TLK1: variants seen among roughly 807,000 people sequenced by gnomAD.
TLK1 encodes the protein serine/threonine-protein kinase tousled-like 1.
A neutral mutation model predicts 105.3 loss-of-function variants in TLK1; 24 were observed. The ratio of observed to expected loss-of-function variants is 0.23; its 90% confidence interval spans 0.17 to 0.32. The LOEUF (loss-of-function observed/expected upper bound fraction) is 0.32, where lower values mean the gene tolerates loss of function less well. TLK1 is among the 10% of genes least tolerant of loss of function. TLK1 has a pLI of 1.00. For missense variants in TLK1, 558 were observed against 910.5 expected, an observed-to-expected ratio of 0.61 and a Z score of 4.98; for synonymous variants, 321 against 310.4, an observed-to-expected ratio of 1.03 and a Z score of -0.36.
intron 12 of TLK1, among the ~76,000 whole-genome samples, chr2:171,020,767 G>A (rs925235234): frequency 1.3e-5 from 2 of 151,926 alleles, no homozygotes; most frequent in African/African-American, 4.8e-5. Flanking sequence ...AGACAAAGCA[G>A]GTCTGACTTT....
chr2:171,118,458 T>G (rs1690523249), intron 1 of TLK1, among the ~76,000 whole-genome samples: 1 of 152,208 alleles, frequency 6.6e-6, no homozygotes. Context: ...CCTTAAGATT[T>G]TTTGTACGGT....
Position 171,006,321 on chromosome 2 carries a change from A to G in TLK1, c.1769-39T>C. The G allele has an allele frequency of 2.6e-6, 4 of 1,535,452 alleles. 1 individual carries two copies. The highest frequency in any genetic ancestry group is 2.6e-5 in the South Asian group (2 of 77,846). ...ATAAGATTCTTTTAATGATACATAC[A>G]TGAAAAACATAACTTTAATAACTTT... On this transcript the variant is annotated intron_variant, in intron 17 of 20. Coordinates refer to ENST00000431350, the MANE Select transcript of TLK1 (RefSeq NM_012290.5).
chr2:171,207,347 C>T lies in TLK1; in HGVS notation c.-6+23798G>A, dbSNP rs190409196. ...ACGTGACATTCTGGAAAAGTCAAAA[C>T]GAGGGAGACATTTAAAAGATCAGTA... is the stretch of plus-strand genomic sequence containing the variant. On this transcript the variant is annotated intron_variant, in intron 1 of 20. Coordinates refer to the TLK1 transcript ENST00000521943. 2.5e-3 allele frequency among the ~76,000 whole-genome samples: 378 copies of T among 152,150 alleles called. 1 individual carries two copies. Among genetic ancestry groups the T allele is most frequent in the African/African-American group, 8.4e-3 (348 of 41,504 alleles).
intron 18 of TLK1, among the ~76,000 whole-genome samples, chr2:171,000,696 C>A (rs1684324262): frequency 6.6e-6 from 1 of 152,086 alleles, no homozygotes; most frequent in South Asian, 2.1e-4. Flanking sequence ...ACACTCAGTG[C>A]AACTTTACAG....
intron 2 of TLK1, chr2:171,091,714 CTTTGTTGTTGTT>C (rs1689240052): frequency 8.3e-6 from 1 of 120,624 alleles, no homozygotes; most frequent in East Asian, 2.4e-4. Flanking sequence ...GGGGGGGTGT[CTTTGTTGTTGTT>C]GTTGTTGTTG....
chr2:171,224,339 T>C (rs755135918), intron 1 of TLK1, among the ~76,000 whole-genome samples: 3 of 152,240 alleles, frequency 2.0e-5, no homozygotes, highest in East Asian at 1.9e-4. Context: ...TTTGTGTTAC[T>C]ATAGCTTTGT....
intron 3 of TLK1, among the ~76,000 whole-genome samples, chr2:171,065,396 T>C (rs1575567337): frequency 1.3e-5 from 2 of 152,338 alleles, no homozygotes; most frequent in South Asian, 4.1e-4. Flanking sequence ...GAAAATACTT[T>C]AAAACAGAAA....
At chr2:171,230,661 T>G (rs1037258656) in intron 1 of TLK1, among the ~76,000 whole-genome samples, 1 of 152,210 alleles carries the variant, frequency 6.6e-6, no homozygotes, top group Non-Finnish European at 1.5e-5. Context: ...ACAATTAAAC[T>G]GCTTTCTTTT....
chr2:171,045,180 G>A (rs1455414922), intron 11 of TLK1: 4 of 150,738 alleles, frequency 2.7e-5, no homozygotes, highest in African/African-American at 7.3e-5. Context: ...CAATAGAGGA[G>A]AAAAGAATAC....
chr2:171,150,894 G>C (rs1183579697), intron 1 of TLK1, among the ~76,000 whole-genome samples: 1 of 152,146 alleles, frequency 6.6e-6, no homozygotes, highest in East Asian at 1.9e-4. Context: ...CTAAAGAAGA[G>C]TAGTTAACCA....
At chr2:171,106,154 C>A (rs570913521) in intron 2 of TLK1, among the ~76,000 whole-genome samples, 2 of 152,222 alleles carry the variant, frequency 1.3e-5, no homozygotes, top group African/African-American at 4.8e-5. Flanking sequence ...AAAGGCTGAT[C>A]TTGTAAGTAG....
chr2:171,231,225 C>T (rs1349655682), exon 1 of TLK1: 1 of 152,112 alleles, frequency 6.6e-6, no homozygotes, highest in Non-Finnish European at 1.5e-5. Context: ...CTAGGAGAAG[C>T]TAGGAGTCTG....
At chr2:171,136,562 G>A (rs912110675) in intron 1 of TLK1, among the ~76,000 whole-genome samples, 41 of 152,016 alleles carry the variant, frequency 2.7e-4, no homozygotes, top group African/African-American at 9.4e-4. Context: ...AAAAGGACAG[G>A]ACAAGACAGG....
rs1229013817 is a variant in TLK1, at chr2:171,160,798, T to TGCCGGCACCTCTGCAGTGC, written c.-389_-371dup. 18 of 388,892 alleles carry TGCCGGCACCTCTGCAGTGC rather than the reference T, an allele frequency of 4.6e-5. No homozygotes were observed. The highest frequency in any genetic ancestry group is 8.1e-5 in the Non-Finnish European group (18 of 221,838). 24.1% of individuals were successfully genotyped at this position (388,892 alleles called of 1,614,324 possible). A position where few individuals can be genotyped will look rare whatever the true frequency, so the allele number is the denominator to read the frequency against. On this transcript the variant is annotated 5_prime_UTR_variant, in exon 1 of 21. Coordinates refer to ENST00000431350, the MANE Select transcript of TLK1 (RefSeq NM_012290.5). The surrounding 1 kb of genome is among the most constrained non-coding windows in gnomAD (Gnocchi z 4.4). ...CGAGGACACTTCCGCGGGCGGAACCTGCCGGCACCTCTGCAGTGCGTCGGC... is the reference window on the plus strand; with the variant it reads ...CGAGGACACTTCCGCGGGCGGAACCTGCCGGCACCTCTGCAGTGCGCCGGCACCTCTGCAGTGCGTCGGC...
intron 14 of TLK1, among the ~76,000 whole-genome samples, chr2:171,009,470 A>AT (rs959814697): frequency 6.6e-6 from 1 of 151,258 alleles, no homozygotes; most frequent in Admixed American, 6.6e-5. Flanking sequence ...TGCCTAGCTA[A>AT]TTTTTTTCTT....
At chr2:171,111,142 T>C (rs1166580272) in intron 2 of TLK1, among the ~76,000 whole-genome samples, 1 of 152,106 alleles carries the variant, frequency 6.6e-6, no homozygotes, top group Non-Finnish European at 1.5e-5. Flanking sequence ...CTGGCAAGAA[T>C]GAACAGAAAA....
Position 170,993,975 on chromosome 2 carries a change from A to ATGTT in TLK1, c.2125-23_2125-20dup. 2.6e-6 allele frequency: 4 copies of ATGTT among 1,565,038 alleles called. No homozygotes were observed. Among genetic ancestry groups the ATGTT allele is most frequent in the East Asian group, 2.3e-5 (1 of 42,754 alleles). ...TAAATGCCTCAAAAAGAGAAAGGAA[A>ATGTT]TGTTAGCAATTAATGATCTTTTTCC... On this transcript the variant is annotated intron_variant, in intron 20 of 20. Coordinates refer to ENST00000431350, the MANE Select transcript of TLK1 (RefSeq NM_012290.5).
intron 2 of TLK1, among the ~76,000 whole-genome samples, chr2:171,116,212 T>C (rs911850236): frequency 6.6e-6 from 1 of 152,018 alleles, no homozygotes; most frequent in African/African-American, 2.4e-5. Context: ...ACAGAGACCA[T>C]GAACAAAGTA....
At chr2:171,093,248 G>A (rs576834819) in intron 2 of TLK1, among the ~76,000 whole-genome samples, 3 of 152,284 alleles carry the variant, frequency 2.0e-5, no homozygotes, top group African/African-American at 4.8e-5. Flanking sequence ...GAGCTTAGTA[G>A]GCTAGTAAGA....
Sources: gnomAD v4.1 joint callset for allele counts (sites outside exome capture counted in the v4.1 genomes callset) on GRCh38, gnomAD v4.1.1 for gene constraint, Gnocchi (gnomAD v3.1) non-coding constraint, MANE v1.5 for transcripts, NCBI Gene and HGNC (gene_info 2026-07-23, HGNC 2026-07-21) for gene names.